Variants in COL23A1 observed in about 807,000 individuals in gnomAD.
The protein encoded by COL23A1 is collagen alpha-1(XXIII) chain.
Under a neutral mutation model 99.3 loss-of-function variants are expected in COL23A1, and 97 were observed. That is an observed-to-expected ratio of 0.98 (90% CI 0.83 to 1.16). The LOEUF is 1.16. Among genes scored for constraint, COL23A1 ranks in the 50% most tolerant of loss-of-function variants. The pLI is 0.00. For synonymous variants in COL23A1, 320 were observed against 308.2 expected (o/e 1.04, Z -0.40); for missense variants, 762 against 757.4 (o/e 1.01, Z -0.07).
intron 1 of COL23A1, among the ~76,000 whole-genome samples, chr5:178,569,972 T>C (rs1360639845): frequency 2.6e-5 from 4 of 152,016 alleles, no homozygotes; most frequent in Admixed American, 6.5e-5. Flanking sequence ...AACTCAATCA[T>C]AGGAAGATAG....
chr5:178,256,238 C>T, intron 15 of COL23A1, 115 bp downstream of exon 15: 1 of 650,870 alleles, frequency 1.5e-6, no homozygotes, highest in South Asian at 4.8e-5. Flanking sequence ...GTAAAATACT[C>T]CCAGTTCCTG....
chr5:178,449,240 C>CAG (rs1262732442), intron 2 of COL23A1, among the ~76,000 whole-genome samples: 68 of 152,332 alleles, frequency 4.5e-4, no homozygotes, highest in African/African-American at 1.5e-3. Flanking sequence ...ATCAGAGGAA[C>CAG]TGGGAGGCCC....
chr5:178,256,738 G>A (rs2127544989), intron 14 of COL23A1, 128 bp downstream of exon 14: 1 of 875,522 alleles, frequency 1.1e-6, no homozygotes, highest in Non-Finnish European at 1.7e-6. Context: ...TGCTGAGGGA[G>A]ACCCCTGGGT....
chr5:178,390,958 G>T (rs1163658745), intron 2 of COL23A1, among the ~76,000 whole-genome samples: 2 of 152,224 alleles, frequency 1.3e-5, no homozygotes, highest in African/African-American at 4.8e-5. Flanking sequence ...AAACTTTTGT[G>T]CCTTAAAACA....
In COL23A1 at chr5:178,307,815, C is replaced by T. The variant is rs987451269; in HGVS notation, c.362-896G>A. Among the ~76,000 whole-genome samples, 3 of 152,194 alleles carry T rather than the reference C, an allele frequency of 2.0e-5. No homozygotes were observed. The highest frequency in any genetic ancestry group is 7.2e-5 in the African/African-American group (3 of 41,430). ...ATGGCATTTGATACGTCTTGCTCAC[C>T]CACTGTATGCCAGGATCTGGGCTGG... On this transcript the variant is annotated intron_variant, in intron 2 of 28. Coordinates refer to ENST00000390654, the MANE Select transcript of COL23A1 (RefSeq NM_173465.4). This position sits in a 1 kb window ranked among gnomAD's most constrained non-coding sequence, Gnocchi z 4.2.
chr5:178,493,478 C>T (rs774880551), intron 2 of COL23A1, among the ~76,000 whole-genome samples: 12 of 152,228 alleles, frequency 7.9e-5, no homozygotes, highest in Non-Finnish European at 1.5e-4. Flanking sequence ...GGCCACCCAG[C>T]CTCATTCACA....
At chr5:178,424,291 TG>T (rs1432258737) in intron 2 of COL23A1, among the ~76,000 whole-genome samples, 2 of 152,244 alleles carry the variant, frequency 1.3e-5, no homozygotes, top group Non-Finnish European at 2.9e-5. Context: ...TGGAGGTGCT[TG>T]TTAAAACATC....
chr5:178,360,040 T>C (rs1243012427), intron 2 of COL23A1, among the ~76,000 whole-genome samples: 2 of 152,276 alleles, frequency 1.3e-5, no homozygotes, highest in South Asian at 2.1e-4. Flanking sequence ...TCATAGGTCT[T>C]TGGGGGCAAC....
chr5:178,268,538 G>A (rs1043129319), intron 7 of COL23A1, among the ~76,000 whole-genome samples, 192 bp downstream of exon 7: 2 of 152,178 alleles, frequency 1.3e-5, no homozygotes, highest in Non-Finnish European at 2.9e-5. Context: ...TGGGCAGGCC[G>A]TATTGTCAAA....
chr5:178,261,058 G>T (rs1172326446), intron 11 of COL23A1, among the ~76,000 whole-genome samples: 1 of 152,128 alleles, frequency 6.6e-6, no homozygotes, highest in Non-Finnish European at 1.5e-5. Flanking sequence ...GGGGGAGGGG[G>T]ATATGGAAAT....
chr5:178,558,204 G>A (rs1581634906), intron 2 of COL23A1, among the ~76,000 whole-genome samples: 1 of 152,032 alleles, frequency 6.6e-6, no homozygotes, highest in Non-Finnish European at 1.5e-5. Flanking sequence ...CACTCCTGAT[G>A]GAAGGCAGGA....
At chr5:178,565,106 TAAATA>T (rs1762776455) in intron 1 of COL23A1, among the ~76,000 whole-genome samples, 1 of 152,112 alleles carries the variant, frequency 6.6e-6, no homozygotes, top group Non-Finnish European at 1.5e-5. Flanking sequence ...TATGCTACAA[TAAATA>T]AAATGTCTAC....
intron 2 of COL23A1, among the ~76,000 whole-genome samples, chr5:178,328,515 T>C (rs574531673): frequency 6.6e-6 from 1 of 152,334 alleles, no homozygotes; most frequent in African/African-American, 2.4e-5. Flanking sequence ...GCTCTGGGCC[T>C]TAGTTTTCCC....
intron 2 of COL23A1, among the ~76,000 whole-genome samples, chr5:178,547,732 A>ACACCACACAC (rs1761733508): frequency 4.5e-3 from 3 of 674 alleles, no homozygotes; most frequent in Non-Finnish European, 8.5e-3. Flanking sequence ...CCACACACCC[A>ACACCACACAC]CCCCACACAC....
intron 1 of COL23A1, among the ~76,000 whole-genome samples, chr5:178,561,228 G>A (rs1762543698): frequency 6.6e-6 from 1 of 152,232 alleles, no homozygotes; most frequent in Non-Finnish European, 1.5e-5. Context: ...ACCAGCCTGG[G>A]ACCTGATGGC....
At chr5:178,484,996 G>T (rs1757539002) in intron 2 of COL23A1, among the ~76,000 whole-genome samples, 2 of 152,274 alleles carry the variant, frequency 1.3e-5, no homozygotes, top group South Asian at 4.1e-4. Context: ...ATAAATGTGG[G>T]TTGAACAGAC....
intron 2 of COL23A1, among the ~76,000 whole-genome samples, chr5:178,546,495 G>A (rs746944611): frequency 6.6e-6 from 1 of 152,166 alleles, no homozygotes; most frequent in Admixed American, 6.5e-5. Context: ...CAGGATGAGG[G>A]TGCAGACCCT....
At chr5:178,282,449 G>A (rs925353575) in intron 5 of COL23A1, among the ~76,000 whole-genome samples, 1 of 152,322 alleles carries the variant, frequency 6.6e-6, no homozygotes, top group East Asian at 1.9e-4. Context: ...GTTTCTGGGG[G>A]TGGTCTGAGA....
intron 2 of COL23A1, among the ~76,000 whole-genome samples, chr5:178,475,961 T>C (rs891351478): frequency 3.3e-5 from 5 of 152,210 alleles, no homozygotes; most frequent in South Asian, 2.1e-4. Flanking sequence ...AAAGGACTCA[T>C]GTGATTAGGT....
Sources: allele counts gnomAD v4.1 joint callset (sites outside exome capture counted in the v4.1 genomes callset), GRCh38; gene constraint gnomAD v4.1.1; non-coding constraint Gnocchi (gnomAD v3.1); transcripts MANE v1.5; gene names NCBI Gene and HGNC (gene_info 2026-07-23, HGNC 2026-07-21).